Variants in ATP8B4 observed in about 807,000 individuals in gnomAD.
ATP8B4 encodes the protein ATPase phospholipid transporting 8B4 (putative), also known as probable phospholipid-transporting ATPase IM.
ATP8B4 carries 133 observed loss-of-function variants against 145.6 expected under a neutral mutation model. That is an observed-to-expected ratio of 0.91 (90% CI 0.79 to 1.05). The LOEUF is 1.05. Ranked by LOEUF, ATP8B4 falls within the 50% of genes least tolerant of loss-of-function variation. The probability of loss-of-function intolerance (pLI) is 0.00; values close to 1 mark genes in which losing one functional copy is unlikely to be tolerated. For missense variants in ATP8B4, 1,458 were observed against 1,425.2 expected (o/e 1.02, Z -0.37); for synonymous variants, 507 against 492.9 (o/e 1.03, Z -0.38).
chr15:50,004,864 A>T (rs2048189648), intron 7 of ATP8B4, among the ~76,000 whole-genome samples: 1 of 152,214 alleles, frequency 6.6e-6, no homozygotes, highest in Non-Finnish European at 1.5e-5. Flanking sequence ...TAATAAAGGC[A>T]GAATATAAGG....
intron 23 of ATP8B4, among the ~76,000 whole-genome samples, chr15:49,891,694 G>T (rs566087049): frequency 6.6e-6 from 1 of 152,240 alleles, no homozygotes; most frequent in East Asian, 1.9e-4. Flanking sequence ...CCAGTTCTAG[G>T]TGGGCAAGAG....
intron 1 of ATP8B4, among the ~76,000 whole-genome samples, chr15:50,140,681 C>T (rs1013954892): frequency 6.6e-6 from 1 of 152,096 alleles, no homozygotes; most frequent in Non-Finnish European, 1.5e-5. Flanking sequence ...ACACACCATG[C>T]TTCTCTGGGG....
At chr15:49,980,149 G>A (rs889756461) in intron 11 of ATP8B4, among the ~76,000 whole-genome samples, 1 of 152,150 alleles carries the variant, frequency 6.6e-6, no homozygotes, top group African/African-American at 2.4e-5. Flanking sequence ...CATAGGCTCT[G>A]TATGAAGGTG....
rs1376417312 is a variant in ATP8B4, at chr15:50,002,193, G to T, written c.466C>A (p.Pro156Thr). The change falls in exon 8 of 28, where the codon CCA (proline) becomes ACA (threonine). Residue 156 changes from proline to threonine, a missense_variant. Physicochemically the swap from Pro to Thr is conservative, Grantham distance 38. Transcript: ENST00000284509. The part of the protein sequence containing the change: ...ADLLLLSSSE[P>T]HGLCYVETAE... Reference sequence around the variant, plus strand: ...GTTTCAACATAACAGAGACCATGTGGCTCACTACTTGATAGGAGAAGTAAA... The same window carrying T: ...GTTTCAACATAACAGAGACCATGTGTCTCACTACTTGATAGGAGAAGTAAA... 6.2e-6 allele frequency: 10 copies of T among 1,610,736 alleles called. No homozygotes were observed. The highest frequency in any genetic ancestry group is 1.3e-5 in the African/African-American group (1 of 74,774).
Position 49,888,535 on chromosome 15 carries a change from G to A in ATP8B4, c.2697+8757C>T, listed in dbSNP as rs551736191. ...CCAGTAGTTGCATAATTTTAAGCAT[G>A]AATTTTCTAAATAGGACTTCAACCA... On this transcript the variant is annotated intron_variant, in intron 23 of 27. Transcript: ENST00000284509. Among the ~76,000 whole-genome samples, 13 of 152,258 alleles carry A rather than the reference G, an allele frequency of 8.5e-5. No individual in the cohort carries two copies. In the South Asian group the frequency reaches 1.7e-3, roughly 19 times the overall value.
intron 13 of ATP8B4, among the ~76,000 whole-genome samples, chr15:49,969,354 T>C (rs1187820398): frequency 6.6e-6 from 1 of 151,870 alleles, no homozygotes; most frequent in African/African-American, 2.4e-5. Context: ...TTTGAAAAGA[T>C]TAACAAAATA....
rs781273682 is a variant in ATP8B4, at chr15:50,044,577, C to T, written c.300+17G>A. The T allele has an allele frequency of 2.6e-6, 4 of 1,564,736 alleles. No homozygotes were observed. Among genetic ancestry groups the T allele is most frequent in the Admixed American group, 1.7e-5 (1 of 58,224 alleles). On this transcript the variant is annotated intron_variant, in intron 5 of 27. Coordinates refer to ENST00000284509, the MANE Select transcript of ATP8B4 (RefSeq NM_024837.4). The stretch of plus-strand genomic sequence containing the variant: ...CTGAAATTGAGACCTCAAGAATGCT[C>T]AAGAGCAAATACTCACATAGTCATC...
At chr15:50,167,283 C>A (rs1262782255) in intron 1 of ATP8B4, among the ~76,000 whole-genome samples, 3 of 152,178 alleles carry the variant, frequency 2.0e-5, no homozygotes, top group Non-Finnish European at 4.4e-5. Context: ...TCTCACAGTT[C>A]TGGAGGACAA....
chr15:50,141,190 G>A (rs376344453), intron 1 of ATP8B4, among the ~76,000 whole-genome samples: 8 of 151,986 alleles, frequency 5.3e-5, no homozygotes, highest in South Asian at 4.2e-4. Context: ...AAAGAGCGGC[G>A]ACCTCCTTTT....
chr15:49,875,657 G>C (rs1197189696), intron 25 of ATP8B4, among the ~76,000 whole-genome samples: 1 of 152,134 alleles, frequency 6.6e-6, no homozygotes, highest in African/African-American at 2.4e-5. Flanking sequence ...ACATAGCAAG[G>C]CCTCCTCTCA....
intron 7 of ATP8B4, among the ~76,000 whole-genome samples, chr15:50,003,126 G>C (rs2048028334): frequency 6.6e-6 from 1 of 152,100 alleles, no homozygotes; most frequent in South Asian, 2.1e-4. Context: ...TGTATGATTG[G>C]CATTCCAAAT....
Position 50,074,156 on chromosome 15 carries a change from G to A in ATP8B4, c.58C>T (p.Arg20Cys), listed in dbSNP as rs74317179. Reference protein sequence around the residue: ...EVERIVKANDREYNEKFQYAD... With the variant: ...EVERIVKANDCEYNEKFQYAD... The stretch of plus-strand genomic sequence containing the variant: ...TACTGGAACTTTTCATTATATTCAC[G>A]GTCATTGGCTTTCACTATCCGTTCC... The change falls in exon 3 of 28, where the codon CGT becomes TGT. Residue 20 changes from arginine to cysteine, a missense_variant. Arg to Cys is a radical substitution (Grantham distance 180, BLOSUM62 -3). Coordinates refer to ENST00000284509, the MANE Select transcript of ATP8B4 (RefSeq NM_024837.4). 51 of 1,612,638 alleles carry A rather than the reference G, an allele frequency of 3.2e-5. No homozygotes were observed. Among genetic ancestry groups the A allele is most frequent in the Admixed American group, 3.3e-5 (2 of 59,818 alleles).
At chr15:50,051,775 A>G (rs1287955115) in intron 3 of ATP8B4, among the ~76,000 whole-genome samples, 1 of 152,228 alleles carries the variant, frequency 6.6e-6, no homozygotes, top group Non-Finnish European at 1.5e-5. Flanking sequence ...GGACATATGC[A>G]ATGTCTATAA....
At chr15:49,937,126 T>C (rs993522332) in intron 14 of ATP8B4, among the ~76,000 whole-genome samples, 3 of 152,214 alleles carry the variant, frequency 2.0e-5, no homozygotes, top group Admixed American at 6.5e-5. Context: ...TTTTGGTTTT[T>C]ATCTCTCACA....
At chr15:50,165,970 A>AACACAC (rs149302745) in intron 1 of ATP8B4, among the ~76,000 whole-genome samples, 22,502 of 146,710 alleles carry the variant, frequency 0.15, 1,908 homozygotes, top group Non-Finnish European at 0.19. Context: ...AATCCCAGAG[A>AACACAC]ACACACACAC....
At chr15:50,044,521 A>G (rs2051568396) in intron 5 of ATP8B4, 73 bp downstream of exon 5, 3 of 1,003,718 alleles carry the variant, frequency 3.0e-6, no homozygotes, top group African/African-American at 1.7e-5. Context: ...TTTCAAATGT[A>G]TCTTCATTAT....
intron 6 of ATP8B4, among the ~76,000 whole-genome samples, chr15:50,031,530 G>A (rs2050442361): frequency 6.6e-6 from 1 of 151,760 alleles, no homozygotes; most frequent in Non-Finnish European, 1.5e-5. Flanking sequence ...CACTAAATGT[G>A]TGTAAGCTGC....
chr15:50,160,432 G>T (rs2140839755), intron 1 of ATP8B4, among the ~76,000 whole-genome samples: 1 of 149,576 alleles, frequency 6.7e-6, no homozygotes, highest in African/African-American at 2.5e-5. Flanking sequence ...TTTGGGTTTA[G>T]TTTGCTCTTG....
intron 25 of ATP8B4, among the ~76,000 whole-genome samples, chr15:49,870,428 A>G (rs967783822): frequency 2.0e-5 from 3 of 152,224 alleles, no homozygotes; most frequent in Non-Finnish European, 2.9e-5. Context: ...AAATGTTTAA[A>G]AGAGCATTTT....
Sources: gnomAD v4.1 joint callset for allele counts (sites outside exome capture counted in the v4.1 genomes callset) on GRCh38, gnomAD v4.1.1 for gene constraint, MANE v1.5 for transcripts, NCBI Gene and HGNC (gene_info 2026-07-23, HGNC 2026-07-21) for gene names.